The following ZNF423 variants were observed in gnomAD, a reference collection of about 807,000 sequenced individuals.
The protein encoded by ZNF423 is zinc finger protein 423, also known as Ebf-associated zinc finger protein.
Under a neutral mutation model 95.8 loss-of-function variants are expected in ZNF423, and 12 were observed. The ratio of observed to expected loss-of-function variants is 0.13; its 90% CI spans 0.08 to 0.20. ZNF423 has a LOEUF of 0.20. Among genes scored for constraint, ZNF423 ranks in the 10% least tolerant of loss-of-function variants. The pLI is 1.00. For missense variants in ZNF423, 1,316 were observed against 1,737.1 expected (o/e 0.76, Z 4.31); for synonymous variants, 749 against 711.9 (o/e 1.05, Z -0.83).
intron 1 of ZNF423, among the ~76,000 whole-genome samples, chr16:49,820,158 A>C (rs2034920037): frequency 6.6e-6 from 1 of 152,098 alleles, no homozygotes. Flanking sequence ...GGAAGGATGG[A>C]CAGTGAGCTG....
intron 3 of ZNF423, among the ~76,000 whole-genome samples, chr16:49,665,089 C>T (rs2030471419): frequency 6.6e-6 from 1 of 152,144 alleles, no homozygotes; most frequent in African/African-American, 2.4e-5. Context: ...GCCTGAAGTC[C>T]CCACACCCGC....
Position 49,637,562 on chromosome 16 carries a change from G to A in ZNF423, c.1614C>T (p.Ser538=). ...CCTGCTGGATGTGCTCGGTGAGGGA[G>A]GACTCAGTAAGGAAACCCATGGAGC... is the stretch of plus-strand genomic sequence containing the variant. ...NQCSMGFLTE[S]SLTEHIQQAH... is the part of the protein sequence containing the mutation. The change falls in exon 4 of 8, where the codon TCC becomes TCT. Residue 538 remains serine, a synonymous_variant. Transcript: ENST00000563137. This position sits in a 1 kb window ranked among gnomAD's most constrained non-coding sequence, Gnocchi z 5.6. The A allele has an allele frequency of 6.2e-7, 1 of 1,614,084 alleles. No homozygotes were observed. Among genetic ancestry groups the A allele is most frequent in the Non-Finnish European group, 8.5e-7 (1 of 1,180,022 alleles).
At chr16:49,550,300 A>T (rs999570400) in intron 5 of ZNF423, among the ~76,000 whole-genome samples, 2 of 152,222 alleles carry the variant, frequency 1.3e-5, no homozygotes, top group Non-Finnish European at 2.9e-5. Flanking sequence ...GGATTCTGAC[A>T]TTACCCTTCC....
chr16:49,699,786 G>A (rs962750317), intron 3 of ZNF423, among the ~76,000 whole-genome samples: 6 of 152,176 alleles, frequency 3.9e-5, no homozygotes, highest in African/African-American at 1.4e-4. Flanking sequence ...GCCTGGTTCA[G>A]GCCTCCTTAG....
At chr16:49,751,409 G>A (rs1280888188) in intron 2 of ZNF423, among the ~76,000 whole-genome samples, 1 of 151,976 alleles carries the variant, frequency 6.6e-6, no homozygotes, top group African/African-American at 2.4e-5. Flanking sequence ...GTCTTACTAT[G>A]TTGCCCAAGC....
At chr16:49,680,546 CTTCCTTGGGG>C (rs2031308565) in intron 3 of ZNF423, among the ~76,000 whole-genome samples, 2 of 152,222 alleles carry the variant, frequency 1.3e-5, no homozygotes, top group Non-Finnish European at 2.9e-5. Flanking sequence ...GCTGTGACAC[CTTCCTTGGGG>C]TTCTGTGGTT....
intron 5 of ZNF423, among the ~76,000 whole-genome samples, chr16:49,579,475 G>A (rs1970598671): frequency 6.6e-6 from 1 of 152,204 alleles, no homozygotes; most frequent in African/African-American, 2.4e-5. Context: ...TACTGGCCCT[G>A]GTCTTTAACT....
At chr16:49,594,117 G>A (rs1379162526) in intron 5 of ZNF423, among the ~76,000 whole-genome samples, 1 of 152,158 alleles carries the variant, frequency 6.6e-6, no homozygotes, top group African/African-American at 2.4e-5. Flanking sequence ...TTCAGCTGGG[G>A]GGTAAACAGA....
chr16:49,566,231 G>T (rs1394963381), intron 5 of ZNF423, among the ~76,000 whole-genome samples: 1 of 152,202 alleles, frequency 6.6e-6, no homozygotes, highest in Non-Finnish European at 1.5e-5. Flanking sequence ...CCAGTGGGGA[G>T]AGAGGCCTGG....
At chr16:49,522,489 A>C (rs1968439595) in intron 7 of ZNF423, among the ~76,000 whole-genome samples, 1 of 152,052 alleles carries the variant, frequency 6.6e-6, no homozygotes, top group Non-Finnish European at 1.5e-5. Flanking sequence ...TGGATATGTC[A>C]CATGGGCAAC....
At chr16:49,596,542 T>C (rs978770349) in intron 5 of ZNF423, among the ~76,000 whole-genome samples, 3 of 152,196 alleles carry the variant, frequency 2.0e-5, no homozygotes, top group African/African-American at 7.2e-5. Flanking sequence ...AAGCTATAGG[T>C]CTTAATTGAG....
At chr16:49,717,667 C>T (rs1054551629) in intron 3 of ZNF423, among the ~76,000 whole-genome samples, 2 of 152,174 alleles carry the variant, frequency 1.3e-5, no homozygotes, top group Non-Finnish European at 2.9e-5. Flanking sequence ...TTACATGAGC[C>T]AATACATTGC....
In ZNF423 at chr16:49,699,938, C is replaced by T. The variant is rs533519958; in HGVS notation, c.301+30833G>A. On this transcript the variant is annotated intron_variant, in intron 3 of 7. Transcript: ENST00000563137. The stretch of plus-strand genomic sequence containing the variant: ...GTGGACCCCACCCCACAGCAGCTCC[C>T]GAGCCAGGGCCCCAGGCCAGGATAT... Among the ~76,000 whole-genome samples the T allele has an allele frequency of 4.6e-5, 7 of 152,218 alleles. No individual in the cohort carries two copies. In the South Asian group the frequency reaches 6.2e-4, roughly 14 times the overall value.
chr16:49,789,518 C>G lies in ZNF423; in HGVS notation c.69G>C (p.Ser23=). The G allele has an allele frequency of 6.2e-7, 1 of 1,612,126 alleles. No homozygotes were observed. Among genetic ancestry groups the G allele is most frequent in the Non-Finnish European group, 8.5e-7 (1 of 1,179,424 alleles). Residue 23 remains serine, a synonymous_variant, in exon 2 of 8, where the codon TCG becomes TCC. Transcript: ENST00000563137. ...CTGTCACGGAGGAATCCCAGGCCAG[C>G]GAGAAGTCTGAGGCCTCCCCCTCTT... ...KVEEGEASDF[S]LAWDSSVTAA... is the part of the protein sequence containing the mutation.
intron 3 of ZNF423, among the ~76,000 whole-genome samples, chr16:49,644,657 TCAAAAA>T (rs1973106201): frequency 2.9e-5 from 1 of 34,914 alleles, no homozygotes; most frequent in African/African-American, 9.9e-5. Flanking sequence ...AAACTCTGAC[TCAAAAA>T]AAAAAAAAAA....
In ZNF423 at chr16:49,781,832, C is replaced by T. The variant is rs2034218139; in HGVS notation, c.100+7655G>A. On this transcript the variant is annotated intron_variant, in intron 2 of 7. Transcript: ENST00000563137. ...ACCAGGCTAAAAGAAAAATGGGAGG[C>T]TTCAATGCATTCTTCCCAAGGAGGT... is the stretch of plus-strand genomic sequence containing the variant. Among the ~76,000 whole-genome samples the T allele has an allele frequency of 2.6e-5, 4 of 152,340 alleles. No homozygotes were observed. The South Asian group carries it at 8.3e-4, about 32-fold the overall frequency.
intron 4 of ZNF423, among the ~76,000 whole-genome samples, chr16:49,628,518 T>TATCC (rs1179333817): frequency 6.7e-6 from 1 of 149,808 alleles, no homozygotes; most frequent in South Asian, 2.1e-4. Context: ...TCTACACACA[T>TATCC]ATCCATCCAT....
chr16:49,651,384 A>C (rs1340297016), intron 3 of ZNF423, among the ~76,000 whole-genome samples: 1 of 152,100 alleles, frequency 6.6e-6, no homozygotes, highest in Non-Finnish European at 1.5e-5. Context: ...TGCATCTGGC[A>C]TGTGGAAGAT....
chr16:49,620,184 TACACACACATACACATACACACACAG>T lies in ZNF423; in HGVS notation c.3601+5960_3601+5985del, dbSNP rs1184676427. Among the ~76,000 whole-genome samples the T allele has an allele frequency of 7.3e-3, 994 of 135,540 alleles. 4 individuals are homozygous for T. Among genetic ancestry groups the T allele is most frequent in the Non-Finnish European group, 9.1e-3 (567 of 62,128 alleles). 88.9% of individuals were successfully genotyped at this position (135,540 alleles called of 152,430 possible). On this transcript the variant is annotated intron_variant, in intron 5 of 7. Transcript: ENST00000563137. ...ACACCACACACACACAACACACACA[TACACACACATACACATACACACACAG>T]ACACACACATACACATACACACACA... is the stretch of plus-strand genomic sequence containing the variant.
Sources: allele counts gnomAD v4.1 joint callset (sites outside exome capture counted in the v4.1 genomes callset), GRCh38; gene constraint gnomAD v4.1.1; non-coding constraint Gnocchi (gnomAD v3.1); transcripts MANE v1.5; gene names NCBI Gene and HGNC (gene_info 2026-07-23, HGNC 2026-07-21).